The following PLEKHA7 variants were observed in gnomAD, a reference collection of about 807,000 sequenced individuals.
PLEKHA7 encodes the protein pleckstrin homology domain-containing family A member 7.
PLEKHA7 carries 104 observed loss-of-function variants against 170.0 expected under a neutral mutation model. The ratio of observed to expected loss-of-function variants is 0.61; its 90% CI spans 0.52 to 0.72. The LOEUF (loss-of-function observed/expected upper bound fraction) is 0.72. PLEKHA7 is among the 30% of genes least tolerant of loss of function. The probability of loss-of-function intolerance (pLI) is 0.00; values close to 1 mark genes in which losing one functional copy is unlikely to be tolerated. For missense variants in PLEKHA7, 1,615 were observed against 1,671.7 expected, an observed-to-expected ratio of 0.97 and a Z score of 0.59; for synonymous variants, 648 against 660.8, an observed-to-expected ratio of 0.98 and a Z score of 0.30.
At chr11:16,848,353 A>G (rs893216686) in intron 8 of PLEKHA7, among the ~76,000 whole-genome samples, 1 of 152,266 alleles carries the variant, frequency 6.6e-6, no homozygotes, top group African/African-American at 2.4e-5. Context: ...ACATAAGTGA[A>G]AAACCATGCC....
chr11:16,858,547 C>T (rs981319002), intron 4 of PLEKHA7, among the ~76,000 whole-genome samples: 3 of 150,398 alleles, frequency 2.0e-5, no homozygotes, highest in Non-Finnish European at 2.9e-5. Flanking sequence ...GGCTGGAGTG[C>T]AATGGTGCAA....
rs534724598 is a variant in PLEKHA7, at chr11:16,778,865, C to T, written c.*133G>A. The T allele has an allele frequency of 5.8e-6, 4 of 686,764 alleles. No individual in the cohort carries two copies. The highest frequency in any genetic ancestry group is 2.7e-5 in the East Asian group (1 of 37,124). The allele number at this position is 686,764 out of a possible 1,614,324, so 42.5% of individuals were successfully genotyped here. ...CTGGCCTGTGGTGAACACCCGCAGT[C>T]GGTAAGCTGCTCCTTCCTCCGGCCG... On this transcript the variant is annotated 3_prime_UTR_variant, in exon 27 of 27. Coordinates refer to ENST00000531066, the MANE Select transcript of PLEKHA7 (RefSeq NM_001329630.2).
Position 16,854,010 on chromosome 11 carries a change from G to A in PLEKHA7, c.522+879C>T, listed in dbSNP as rs528638875. ...ACAGGGCTGGGTGACAATGTGACAA[G>A]TGAGAGATATGCTATCTGCTTCTCC... On this transcript the variant is annotated intron_variant, in intron 6 of 26. Coordinates refer to ENST00000531066, the MANE Select transcript of PLEKHA7 (RefSeq NM_001329630.2). Among the ~76,000 whole-genome samples, 4 of 152,372 alleles carry A rather than the reference G, an allele frequency of 2.6e-5. No homozygotes were observed. In the East Asian group the frequency reaches 7.7e-4, roughly 29 times the overall value.
At chr11:16,854,829 A>T in intron 6 of PLEKHA7, 60 bp downstream of exon 6, 1 of 1,466,142 alleles carries the variant, frequency 6.8e-7, no homozygotes, top group South Asian at 1.1e-5. Context: ...GGTGCCTGGG[A>T]AAGGAGAGAA....
chr11:16,798,390 A>G (rs1848376612), intron 17 of PLEKHA7, among the ~76,000 whole-genome samples: 1 of 152,076 alleles, frequency 6.6e-6, no homozygotes. Flanking sequence ...TCTGAGAGTA[A>G]GTCATGGGGC....
intron 3 of PLEKHA7, among the ~76,000 whole-genome samples, chr11:16,900,206 C>G (rs1857244203): frequency 6.6e-6 from 1 of 152,208 alleles, no homozygotes; most frequent in Non-Finnish European, 1.5e-5. Flanking sequence ...ATTTAAGGCT[C>G]TCACAGGCTG....
At chr11:16,826,638 T>G in intron 9 of PLEKHA7, 48 bp from the exon 10 acceptor site, 1 of 1,512,080 alleles carries the variant, frequency 6.6e-7, no homozygotes, top group South Asian at 1.2e-5. Context: ...CAAGACTCCA[T>G]GATGAAATGC....
intron 7 of PLEKHA7, among the ~76,000 whole-genome samples, chr11:16,852,059 C>A (rs1853013367): frequency 6.6e-6 from 1 of 152,214 alleles, no homozygotes; most frequent in African/African-American, 2.4e-5. Context: ...CCACACTTCT[C>A]ACCTCTCCAG....
chr11:16,935,267 T>C (rs1860206379), intron 3 of PLEKHA7, among the ~76,000 whole-genome samples: 1 of 152,116 alleles, frequency 6.6e-6, no homozygotes, highest in African/African-American at 2.4e-5. Context: ...ACACCCCGTC[T>C]CCACAAAAAT....
At chr11:16,795,046 C>G in intron 17 of PLEKHA7, 28 bp from the exon 18 acceptor site, 2 of 1,480,680 alleles carry the variant, frequency 1.4e-6, no homozygotes, top group Non-Finnish European at 1.9e-6. Context: ...GTGGGTTTGC[C>G]TTCTTAGCTC....
chr11:16,820,479 TATCGA>T (rs1329988398), intron 10 of PLEKHA7, among the ~76,000 whole-genome samples: 3 of 151,266 alleles, frequency 2.0e-5, no homozygotes, highest in African/African-American at 4.8e-5. Context: ...CAGGGTTTGC[TATCGA>T]TCTCCCAAAG....
intron 3 of PLEKHA7, among the ~76,000 whole-genome samples, chr11:16,897,987 T>C (rs145947826): frequency 5.3e-4 from 81 of 152,270 alleles, no homozygotes; most frequent in Admixed American, 1.2e-3. Flanking sequence ...CCTTCCTCTA[T>C]GGCAAAGACA....
intron 3 of PLEKHA7, among the ~76,000 whole-genome samples, chr11:16,981,111 A>G (rs1471099519): frequency 1.3e-5 from 2 of 152,140 alleles, no homozygotes; most frequent in African/African-American, 4.8e-5. Flanking sequence ...CATTTTAGAA[A>G]GAGTGTTGCT....
chr11:16,985,735 G>A (rs755384061), intron 3 of PLEKHA7, among the ~76,000 whole-genome samples: 10 of 152,218 alleles, frequency 6.6e-5, no homozygotes, highest in Non-Finnish European at 1.3e-4. Context: ...TAATTCACAG[G>A]CTAATGAGGG....
intron 3 of PLEKHA7, among the ~76,000 whole-genome samples, chr11:16,934,142 G>A (rs963346177): frequency 2.6e-5 from 4 of 152,086 alleles, no homozygotes; most frequent in South Asian, 2.1e-4. Flanking sequence ...GGACTTCACC[G>A]TCCCCTTCCA....
chr11:16,885,114 G>A (rs1855983471), intron 3 of PLEKHA7, among the ~76,000 whole-genome samples: 1 of 152,180 alleles, frequency 6.6e-6, no homozygotes, highest in Non-Finnish European at 1.5e-5. Flanking sequence ...GCCATGGCAG[G>A]TGGATCATTT....
chr11:16,887,749 T>G (rs1489322076), intron 3 of PLEKHA7, among the ~76,000 whole-genome samples: 1 of 152,204 alleles, frequency 6.6e-6, no homozygotes, highest in Admixed American at 6.5e-5. Context: ...GGCTACAACC[T>G]CCACCTCCCA....
At chr11:16,925,987 C>T (rs1859509871) in intron 3 of PLEKHA7, among the ~76,000 whole-genome samples, 1 of 152,242 alleles carries the variant, frequency 6.6e-6, no homozygotes, top group African/African-American at 2.4e-5. Flanking sequence ...TAGCCAGACA[C>T]CAGCAGACCT....
intron 9 of PLEKHA7, among the ~76,000 whole-genome samples, chr11:16,837,345 T>C (rs1851596976): frequency 6.6e-6 from 1 of 152,204 alleles, no homozygotes. Context: ...TCAAGGGTTC[T>C]AGCCAGACAT....
Sources: allele counts gnomAD v4.1 joint callset (sites outside exome capture counted in the v4.1 genomes callset), GRCh38; gene constraint gnomAD v4.1.1; transcripts MANE v1.5; gene names NCBI Gene and HGNC (gene_info 2026-07-23, HGNC 2026-07-21).